Variants in MYCBP2 observed in about 807,000 individuals in gnomAD.
MYCBP2 encodes MYC binding protein 2.
Under a neutral mutation model 525.3 loss-of-function variants are expected in MYCBP2, and 120 were observed. The observed-to-expected ratio is 0.23, with a 90% confidence interval of 0.20 to 0.27. The LOEUF (loss-of-function observed/expected upper bound fraction) is 0.27, where lower values mean the gene tolerates loss of function less well. MYCBP2 is among the 10% of genes least tolerant of loss of function. The pLI is 1.00. For missense variants in MYCBP2, 4,149 were observed against 5,657.1 expected, an observed-to-expected ratio of 0.73 and a Z score of 8.55; for synonymous variants, 1,894 against 1,955.8, an observed-to-expected ratio of 0.97 and a Z score of 0.83.
rs774585789 is a variant in MYCBP2, at chr13:77,267,956, T to C, written c.1261-19A>G. ...AATAACCCTGATAACAGCAAAAAAT[T>C]TTCCTGTTAAAATATTTATTACTAA... On this transcript the variant is annotated intron_variant, in intron 7 of 82. Transcript: ENST00000544440. 6.4e-7 allele frequency: 1 copy of C among 1,556,168 alleles called. No individual in the cohort carries two copies. Among genetic ancestry groups the C allele is most frequent in the South Asian group, 1.1e-5 (1 of 88,526 alleles).
intron 81 of MYCBP2, 51 bp downstream of exon 81, chr13:77,051,760 A>G: frequency 7.5e-7 from 1 of 1,341,770 alleles, no homozygotes; most frequent in South Asian, 1.3e-5. Flanking sequence ...TTAAAAAATA[A>G]TACTATTTAA....
chr13:77,307,997 T>A (rs1031965636), intron 1 of MYCBP2, among the ~76,000 whole-genome samples: 1 of 152,196 alleles, frequency 6.6e-6, no homozygotes, highest in Admixed American at 6.5e-5. Flanking sequence ...ATGTTCTATA[T>A]TCACTTCTAT....
intron 2 of MYCBP2, 74 bp from the exon 3 acceptor site, chr13:77,288,450 GATTAGACA>G (rs1330736322): frequency 7.9e-6 from 10 of 1,263,536 alleles, no homozygotes. Context: ...TAAAAGTAAA[GATTAGACA>G]CACTAACTGA....
intron 17 of MYCBP2, among the ~76,000 whole-genome samples, chr13:77,239,065 A>G (rs2068421039): frequency 1.3e-5 from 2 of 152,156 alleles, no homozygotes; most frequent in Non-Finnish European, 2.9e-5. Flanking sequence ...GGTTGCAGTG[A>G]GCCGAGATCG....
At chr13:77,191,863 A>C in intron 27 of MYCBP2, 50 bp from the exon 28 acceptor site, 1 of 1,563,690 alleles carries the variant, frequency 6.4e-7, no homozygotes, top group Non-Finnish European at 8.7e-7. Context: ...CTTCTCTGTC[A>C]CATATATTTA....
chr13:77,196,812 T>C (rs945615565), intron 26 of MYCBP2, among the ~76,000 whole-genome samples: 2 of 152,224 alleles, frequency 1.3e-5, no homozygotes, highest in Non-Finnish European at 2.9e-5. Context: ...TAGGCTGTTG[T>C]ACATATTGGT....
At chr13:77,048,085 C>T (rs2035966930) in intron 82 of MYCBP2, among the ~76,000 whole-genome samples, 1 of 152,162 alleles carries the variant, frequency 6.6e-6, no homozygotes, top group South Asian at 2.1e-4. Flanking sequence ...TCTTGGTGCA[C>T]TGCTGAGACT....
At chr13:77,177,545 C>T (rs1333577092) in intron 35 of MYCBP2, among the ~76,000 whole-genome samples, 2 of 152,008 alleles carry the variant, frequency 1.3e-5, no homozygotes, top group African/African-American at 2.4e-5. Context: ...TGGCCTTGAA[C>T]TCCTGTGCTC....
chr13:77,098,069 C>T lies in MYCBP2; in HGVS notation c.9085G>A (p.Glu3029Lys), dbSNP rs147540066. 33 of 1,613,372 alleles carry T rather than the reference C, an allele frequency of 2.0e-5. No homozygotes were observed. Among genetic ancestry groups the T allele is most frequent in the South Asian group, 5.5e-5 (5 of 91,016 alleles). The change falls in exon 56 of 83, where the codon GAA (glutamate) becomes AAA (lysine). Residue 3029 changes from glutamate (E) to lysine (K), a missense_variant. Physicochemically the swap from Glu to Lys is moderately conservative, Grantham distance 56. Transcript: ENST00000544440. ...AKQAMSPSVA[E>K]CARAVFASFL... is the part of the protein sequence containing the mutation. ...GAAGCAAACACAGCTCTGGCACATTCGGCCACAGAAGGAGACATGGCTTGC... is the reference window on the plus strand; with the variant it reads ...GAAGCAAACACAGCTCTGGCACATTTGGCCACAGAAGGAGACATGGCTTGC...
At position 77,071,766 on chromosome 13, in the gene MYCBP2, A is replaced by G. The variant is rs184251174; in HGVS notation, c.11824-1055T>C. On this transcript the variant is annotated intron_variant, in intron 68 of 82. Transcript: ENST00000544440. ...AGAACCCCTCAAAGAAGAACAGCAG[A>G]GTTCACATTTTTTTGAAGTGCACGT... is the stretch of plus-strand genomic sequence containing the variant. 1.7e-3 allele frequency among the ~76,000 whole-genome samples: 256 copies of G among 152,336 alleles called. 4 individuals are homozygous for G. Among genetic ancestry groups the G allele is most frequent in the African/African-American group, 5.4e-3 (226 of 41,588 alleles).
At chr13:77,061,606 CATTT>C (rs2039313723) in intron 75 of MYCBP2, 52 bp downstream of exon 75, 1 of 1,578,140 alleles carries the variant, frequency 6.3e-7, no homozygotes, top group Non-Finnish European at 8.6e-7. Context: ...CTCTTTCACA[CATTT>C]ATTTCAAAAT....
chr13:77,209,916 A>G (rs985646115), intron 23 of MYCBP2, among the ~76,000 whole-genome samples: 2 of 152,202 alleles, frequency 1.3e-5, no homozygotes, highest in Non-Finnish European at 2.9e-5. Context: ...TCCCATTGCT[A>G]CCACATGGCC....
chr13:77,267,810 T>C, intron 8 of MYCBP2, 31 bp downstream of exon 8: 1 of 1,508,048 alleles, frequency 6.6e-7, no homozygotes, highest in Non-Finnish European at 9.2e-7. Flanking sequence ...TAAAATTGCT[T>C]GTGGAGAAAA....
intron 55 of MYCBP2, chr13:77,099,260 G>A: frequency 2.0e-6 from 1 of 504,448 alleles, no homozygotes; most frequent in Non-Finnish European, 3.5e-6. Flanking sequence ...AACAAATCCA[G>A]TGTGAACTAT....
chr13:77,139,618 T>C (rs994526780), intron 51 of MYCBP2, among the ~76,000 whole-genome samples: 12 of 152,210 alleles, frequency 7.9e-5, no homozygotes, highest in African/African-American at 2.9e-4. Flanking sequence ...TAAAATCAGA[T>C]GTTTCCCAAA....
In MYCBP2 at chr13:77,224,469, T is replaced by C; in HGVS notation, c.2921A>G (p.His974Arg). 6.2e-7 allele frequency: 1 copy of C among 1,608,616 alleles called. No homozygotes were observed. Among genetic ancestry groups the C allele is most frequent in the Non-Finnish European group, 8.5e-7 (1 of 1,176,794 alleles). The stretch of plus-strand genomic sequence containing the variant: ...CAAGTACCTGGAGTTGACATCTCCA[T>C]GTCCTAGCTGCCCATGCTGCCCATA... ...FGYGQHGQLG[H>R]GDVNSRGCPT... Residue 974 changes from histidine to arginine, a missense_variant, in exon 20 of 83, where the codon CAT (histidine) becomes CGT (arginine). By Grantham distance (29) the His-to-Arg change is conservative. Transcript: ENST00000544440.
chr13:77,306,446 T>C lies in MYCBP2; in HGVS notation c.303-9772A>G, dbSNP rs1457710287. ...GAGATGAAAACAGATTTCTTATATA[T>C]AGCTTCAGTCTCTTGATCTTATTTG... On this transcript the variant is annotated intron_variant, in intron 1 of 82. Coordinates refer to ENST00000544440, the MANE Select transcript of MYCBP2 (RefSeq NM_015057.5). 2.0e-5 allele frequency among the ~76,000 whole-genome samples: 3 copies of C among 152,184 alleles called. No homozygotes were observed. The East Asian group carries it at 5.8e-4, about 29-fold the overall frequency.
chr13:77,056,552 T>A (rs1414690160), intron 79 of MYCBP2, among the ~76,000 whole-genome samples: 1 of 152,202 alleles, frequency 6.6e-6, no homozygotes, highest in Non-Finnish European at 1.5e-5. Context: ...TTTCTCCTTG[T>A]TTTAACTAAG....
intron 3 of MYCBP2, among the ~76,000 whole-genome samples, chr13:77,282,000 T>G (rs1282366619): frequency 6.6e-6 from 1 of 152,132 alleles, no homozygotes; most frequent in Non-Finnish European, 1.5e-5. Flanking sequence ...AAAGCAAATA[T>G]TTGGTACAGA....
Sources: gnomAD v4.1 joint callset for allele counts (sites outside exome capture counted in the v4.1 genomes callset) on GRCh38, gnomAD v4.1.1 for gene constraint, MANE v1.5 for transcripts, NCBI Gene and HGNC (gene_info 2026-07-23, HGNC 2026-07-21) for gene names.